TAS2R1: variants seen among roughly 807,000 people sequenced by gnomAD.
TAS2R1 encodes taste 2 receptor member 1, also known as taste receptor type 2 member 1.
For missense variants in TAS2R1, 370 were observed against 353.4 expected (o/e 1.05, Z -0.38); for synonymous variants, 141 against 134.2 (o/e 1.05, Z -0.35).
the TAS2R1 span, among the ~76,000 whole-genome samples, chr5:9,853,200 C>G: frequency 6.6e-6 from 1 of 152,146 alleles, no homozygotes; most frequent in African/African-American, 2.4e-5. Flanking sequence ...TTGGCTTTTC[C>G]CAGGAAAGAA....
chr5:9,865,390 G>T, the TAS2R1 span, among the ~76,000 whole-genome samples: 10 of 152,080 alleles, frequency 6.6e-5, no homozygotes, highest in African/African-American at 2.2e-4. Flanking sequence ...TATAATTTTT[G>T]CTCTTCTTCT....
the TAS2R1 span, among the ~76,000 whole-genome samples, chr5:9,861,928 A>G: frequency 6.6e-6 from 1 of 152,256 alleles, no homozygotes; most frequent in East Asian, 1.9e-4. Flanking sequence ...ACACTTAAGC[A>G]TAATGGAACG....
the TAS2R1 span, among the ~76,000 whole-genome samples, chr5:9,778,856 C>T: frequency 6.6e-6 from 1 of 152,288 alleles, no homozygotes; most frequent in South Asian, 2.1e-4. Context: ...GCAATAAGGC[C>T]CTTTTGCTTT....
intron 1 of TAS2R1, among the ~76,000 whole-genome samples, chr5:9,681,511 G>T (rs1740994265): frequency 9.4e-6 from 1 of 106,884 alleles, no homozygotes. Flanking sequence ...CAACATTTCA[G>T]GGGACTTCTC....
the TAS2R1 span, among the ~76,000 whole-genome samples, chr5:9,782,949 G>A: frequency 6.6e-6 from 1 of 152,172 alleles, no homozygotes; most frequent in Non-Finnish European, 1.5e-5. Context: ...ACGAGCTAGA[G>A]GGAGGTCAAA....
the TAS2R1 span, among the ~76,000 whole-genome samples, chr5:9,878,501 A>G: frequency 2.0e-5 from 3 of 152,256 alleles, no homozygotes; most frequent in Non-Finnish European, 4.4e-5. Flanking sequence ...GTGAACCACG[A>G]ACGCTTGTAT....
the TAS2R1 span, among the ~76,000 whole-genome samples, chr5:9,855,280 C>T: frequency 1.3e-5 from 2 of 152,234 alleles, no homozygotes; most frequent in Non-Finnish European, 2.9e-5. Context: ...GGGAGCCTGA[C>T]TTTCTAGTCT....
At chr5:9,863,550 C>A in the TAS2R1 span, among the ~76,000 whole-genome samples, 2 of 152,170 alleles carry the variant, frequency 1.3e-5, no homozygotes, top group African/African-American at 2.4e-5. Context: ...CGGGCGTGAG[C>A]CACCGCACCT....
the TAS2R1 span, among the ~76,000 whole-genome samples, chr5:9,894,955 G>T: frequency 1.3e-5 from 2 of 152,224 alleles, no homozygotes; most frequent in African/African-American, 4.8e-5. Flanking sequence ...AAACATGAAT[G>T]CCAGAAAGTG....
the TAS2R1 span, among the ~76,000 whole-genome samples, chr5:9,808,075 C>T: frequency 6.6e-6 from 1 of 152,030 alleles, no homozygotes; most frequent in Non-Finnish European, 1.5e-5. Context: ...GAAGTGCATG[C>T]TAGAAAAAGC....
chr5:9,686,301 C>G (rs1741123474), intron 1 of TAS2R1, among the ~76,000 whole-genome samples: 1 of 152,198 alleles, frequency 6.6e-6, no homozygotes, highest in African/African-American at 2.4e-5. Context: ...CAAGACAAAG[C>G]TCTTGCCATT....
At chr5:9,747,628 C>T in the TAS2R1 span, among the ~76,000 whole-genome samples, 2 of 152,096 alleles carry the variant, frequency 1.3e-5, no homozygotes, top group Non-Finnish European at 2.9e-5. Flanking sequence ...CTCCATGACC[C>T]AAACACCTCC....
At chr5:9,814,799 T>C in the TAS2R1 span, among the ~76,000 whole-genome samples, 16 of 152,146 alleles carry the variant, frequency 1.1e-4, no homozygotes, top group Non-Finnish European at 2.4e-4. Flanking sequence ...GGGAGAAAAA[T>C]ATCCTTCCTC....
the TAS2R1 span, among the ~76,000 whole-genome samples, chr5:9,787,406 T>C: frequency 6.6e-6 from 1 of 152,222 alleles, no homozygotes; most frequent in Non-Finnish European, 1.5e-5. Flanking sequence ...TTTGTACTTA[T>C]TATCAAAAAC....
intron 1 of TAS2R1, among the ~76,000 whole-genome samples, chr5:9,711,973 C>T (rs995258301): frequency 3.3e-5 from 4 of 122,368 alleles, no homozygotes; most frequent in African/African-American, 1.3e-4. Context: ...GCCTTATGTT[C>T]AACGTTTTTT....
At chr5:9,662,018 G>A (rs1740548065) in intron 1 of TAS2R1, among the ~76,000 whole-genome samples, 1 of 152,148 alleles carries the variant, frequency 6.6e-6, no homozygotes, top group African/African-American at 2.4e-5. Context: ...GGGTAGCATG[G>A]TCCAAGACAA....
At chr5:9,653,554 T>A (rs1370660418) in intron 2 of TAS2R1, among the ~76,000 whole-genome samples, 7 of 152,186 alleles carry the variant, frequency 4.6e-5, no homozygotes, top group Admixed American at 4.6e-4. Context: ...CTGGATTATG[T>A]GGTAATTCCA....
At chr5:9,705,049 A>T (rs1358641462) in intron 1 of TAS2R1, among the ~76,000 whole-genome samples, 1 of 140,908 alleles carries the variant, frequency 7.1e-6, no homozygotes, top group Non-Finnish European at 1.5e-5. Context: ...CTTCAATGGG[A>T]AAAAAACCAT....
chr5:9,716,769 A>G (rs1163540506), upstream of TAS2R1, among the ~76,000 whole-genome samples: 2 of 152,126 alleles, frequency 1.3e-5, no homozygotes, highest in African/African-American at 2.4e-5. Flanking sequence ...AAAAATGACA[A>G]CTTTTGACTT....
Sources: gnomAD v4.1 joint callset for allele counts (sites outside exome capture counted in the v4.1 genomes callset) on GRCh38, gnomAD v4.1.1 for gene constraint, MANE v1.5 for transcripts, NCBI Gene and HGNC (gene_info 2026-07-23, HGNC 2026-07-21) for gene names.